Variants in CDH12 observed in about 807,000 individuals in gnomAD.
CDH12 encodes the protein cadherin 12, also known as cadherin-12.
Under a neutral mutation model 74.1 loss-of-function variants are expected in CDH12, and 41 were observed. The observed-to-expected ratio is 0.55, with a 90% CI of 0.43 to 0.72. CDH12 has a LOEUF of 0.72. Among genes scored for constraint, CDH12 ranks in the 30% least tolerant of loss-of-function variants. The pLI, the probability that CDH12 is intolerant of heterozygous loss-of-function variation, is 0.00. For missense variants in CDH12, 945 were observed against 977.2 expected (o/e 0.97, Z 0.44); for synonymous variants, 399 against 355.0 (o/e 1.12, Z -1.39).
At chr5:21,991,531 T>TTATAACTATATATAACAATTA (rs1757752270) in intron 5 of CDH12, among the ~76,000 whole-genome samples, 1 of 136,622 alleles carries the variant, frequency 7.3e-6, no homozygotes. Flanking sequence ...TATATATAGG[T>TTATAACTATATATAACAATTA]TATATATAAT....
rs78886397 is a variant in CDH12, at chr5:22,044,542, C to T, written c.231+33904G>A. On this transcript the variant is annotated intron_variant, in intron 5 of 14. Transcript: ENST00000382254. ...GGAAACCACTTCCATGATCTAATCA[C>T]CCCCCATCAGGTCCATCCCTCAACA... Among the ~76,000 whole-genome samples, 911 of 152,250 alleles carry T rather than the reference C, an allele frequency of 6.0e-3. 6 individuals carry two copies. The highest frequency in any genetic ancestry group is 0.021 in the African/African-American group (873 of 41,546).
Position 22,679,976 on chromosome 5 carries a change from C to T in CDH12, c.-523+173082G>A, listed in dbSNP as rs117628330. On this transcript the variant is annotated intron_variant, in intron 1 of 14. Transcript: ENST00000382254. ...CTGAGCATTCATTGCCTCATCTATT[C>T]TACAAGAACACTGAACTAGCAAGCA... 2.9e-4 allele frequency among the ~76,000 whole-genome samples: 44 copies of T among 152,196 alleles called. No homozygotes were observed. The East Asian group carries it at 4.8e-3, about 17-fold the overall frequency.
In CDH12 at chr5:21,802,291, C is replaced by T. The variant is rs546440934; in HGVS notation, c.1132G>A (p.Val378Ile). 7 of 1,613,740 alleles carry T rather than the reference C, an allele frequency of 4.3e-6. No individual in the cohort carries two copies. The highest frequency in any genetic ancestry group is 2.2e-5 in the East Asian group (1 of 44,750). The change falls in exon 10 of 15, where the codon GTA (valine) becomes ATA (isoleucine). Residue 378 changes from valine to isoleucine, a missense_variant. By Grantham distance (29) the Val-to-Ile change is conservative. Transcript: ENST00000382254. ...TATVKISVLD[V>I]DEPPVFSKPL... Reference sequence around the variant, plus strand: ...TTGCTGAAAACCGGTGGCTCATCTACGTCCAGCACGCTGATCTTCACCGTA... The same window carrying T: ...TTGCTGAAAACCGGTGGCTCATCTATGTCCAGCACGCTGATCTTCACCGTA...
chr5:22,676,144 C>T (rs73742165), intron 1 of CDH12, among the ~76,000 whole-genome samples: 6,036 of 151,762 alleles, frequency 0.04, 410 homozygotes, highest in African/African-American at 0.14. Flanking sequence ...CAGTACTAGT[C>T]GTTTTTATTC....
At chr5:22,532,844 A>G (rs1407212485) in intron 1 of CDH12, among the ~76,000 whole-genome samples, 1 of 152,088 alleles carries the variant, frequency 6.6e-6, no homozygotes, top group Admixed American at 6.5e-5. Context: ...TATATAATCA[A>G]AAATTTTAAA....
At chr5:21,856,339 T>C (rs530829280) in intron 6 of CDH12, among the ~76,000 whole-genome samples, 7 of 151,758 alleles carry the variant, frequency 4.6e-5, no homozygotes, top group Non-Finnish European at 1.0e-4. Flanking sequence ...CCCTCCACTA[T>C]ACATGTGTAA....
chr5:22,301,055 G>A (rs533189405), intron 3 of CDH12, among the ~76,000 whole-genome samples: 18 of 6,400 alleles, frequency 2.8e-3, no homozygotes, highest in African/African-American at 5.9e-3. Flanking sequence ...TAATAGCAGT[G>A]AAGGTATTAA....
chr5:22,325,124 C>A (rs1739032074), intron 3 of CDH12, among the ~76,000 whole-genome samples: 1 of 152,122 alleles, frequency 6.6e-6, no homozygotes, highest in African/African-American at 2.4e-5. Flanking sequence ...GGGTGGGAGA[C>A]TTTTCTCTAA....
At chr5:22,445,337 C>A (rs1398085423) in intron 2 of CDH12, among the ~76,000 whole-genome samples, 1 of 152,048 alleles carries the variant, frequency 6.6e-6, no homozygotes, top group East Asian at 1.9e-4. Context: ...ACATGAGGAA[C>A]AAGCAGGACA....
rs1744932701 is a variant in CDH12 at position 21,764,917 on chromosome 5, T to C, written c.1515+61A>G. 3.3e-6 allele frequency: 5 copies of C among 1,533,958 alleles called. No homozygotes were observed. In the African/African-American group the frequency reaches 4.1e-5, roughly 13 times the overall value. On this transcript the variant is annotated intron_variant, in intron 12 of 14. Coordinates refer to ENST00000382254, the MANE Select transcript of CDH12 (RefSeq NM_004061.5). ...GTGTGCATATTCATGTCTGGACTTA[T>C]AACTTAAAACATGCATATGGTGGGT...
chr5:22,551,308 A>G (rs768214423), intron 1 of CDH12, among the ~76,000 whole-genome samples: 1 of 152,156 alleles, frequency 6.6e-6, no homozygotes, highest in Admixed American at 6.6e-5. Context: ...TTGGTCTTAG[A>G]CTTTGAGTCT....
At position 22,791,667 on chromosome 5, in the gene CDH12, C is replaced by G. The variant is rs543909151; in HGVS notation, c.-523+61391G>C. Among the ~76,000 whole-genome samples the G allele has an allele frequency of 2.6e-5, 4 of 152,242 alleles. No homozygotes were observed. The South Asian group carries it at 8.3e-4, about 32-fold the overall frequency. ...AAAAGGATTTAATTGAATCACAGTT[C>G]TAAATGACTGGGGAGGCCTCAGGAA... On this transcript the variant is annotated intron_variant, in intron 1 of 14. Transcript: ENST00000382254.
chr5:22,467,202 T>C (rs1350362913), intron 2 of CDH12, among the ~76,000 whole-genome samples: 1 of 152,108 alleles, frequency 6.6e-6, no homozygotes, highest in Non-Finnish European at 1.5e-5. Flanking sequence ...GAGTATAGAA[T>C]TGGAACCTTG....
intron 1 of CDH12, among the ~76,000 whole-genome samples, chr5:22,598,020 T>C (rs1306532049): frequency 6.6e-6 from 1 of 152,164 alleles, no homozygotes; most frequent in Non-Finnish European, 1.5e-5. Context: ...TCCCAATCAG[T>C]TGACTCATTT....
chr5:21,976,335 A>G (rs560438192), intron 5 of CDH12, among the ~76,000 whole-genome samples: 1 of 152,080 alleles, frequency 6.6e-6, no homozygotes, highest in African/African-American at 2.4e-5. Flanking sequence ...AAGAGTAGAG[A>G]GAATTATCAG....
intron 12 of CDH12, among the ~76,000 whole-genome samples, chr5:21,762,002 T>C (rs1458391580): frequency 6.6e-6 from 1 of 152,158 alleles, no homozygotes; most frequent in Non-Finnish European, 1.5e-5. Flanking sequence ...TGAATCAACA[T>C]ACAGACCCTA....
chr5:21,844,956 A>C (rs1750079174), intron 7 of CDH12, among the ~76,000 whole-genome samples: 1 of 152,084 alleles, frequency 6.6e-6, no homozygotes, highest in South Asian at 2.1e-4. Flanking sequence ...GCTGTATCTT[A>C]ATAGAAGTTA....
At chr5:22,368,365 C>T (rs1435161323) in intron 3 of CDH12, among the ~76,000 whole-genome samples, 2 of 151,858 alleles carry the variant, frequency 1.3e-5, no homozygotes, top group African/African-American at 2.4e-5. Context: ...GTGATACAAT[C>T]GAAGCTCACT....
intron 11 of CDH12, among the ~76,000 whole-genome samples, chr5:21,768,810 A>G (rs1745165160): frequency 6.6e-6 from 1 of 152,046 alleles, no homozygotes. Context: ...ACGAAAACCA[A>G]TTAAAAAATC....
Sources: allele counts gnomAD v4.1 joint callset (sites outside exome capture counted in the v4.1 genomes callset), GRCh38; gene constraint gnomAD v4.1.1; transcripts MANE v1.5; gene names NCBI Gene and HGNC (gene_info 2026-07-23, HGNC 2026-07-21).